Variants in EPHB1 observed in about 807,000 individuals in gnomAD.
The protein encoded by EPHB1 is ephrin type-B receptor 1.
In EPHB1, 30 loss-of-function variants were observed where a neutral mutation model predicts 94.4. The ratio of observed to expected loss-of-function variants is 0.32; its 90% CI spans 0.24 to 0.43. The LOEUF is 0.43. EPHB1 is among the 20% of genes least tolerant of loss of function. The pLI is 1.00. For synonymous variants in EPHB1, 522 were observed against 489.1 expected (o/e 1.07, Z -0.89); for missense variants, 1,055 against 1,308.3 (o/e 0.81, Z 2.99).
intron 3 of EPHB1, among the ~76,000 whole-genome samples, chr3:135,089,145 C>T (rs1174622768): frequency 6.6e-6 from 1 of 152,184 alleles, no homozygotes; most frequent in East Asian, 1.9e-4. Flanking sequence ...AGTAGTTATA[C>T]ACAATAGTTT....
At chr3:135,235,609 A>G (rs1313674658) in intron 12 of EPHB1, among the ~76,000 whole-genome samples, 1 of 152,242 alleles carries the variant, frequency 6.6e-6, no homozygotes, top group East Asian at 1.9e-4. Context: ...AAAAACAAGC[A>G]AACAAATAAA....
At position 134,855,805 on chromosome 3, in the gene EPHB1, C is replaced by G. The variant is rs990193447; in HGVS notation, c.58+60116C>G. ...AGCAGCTTCTGTTGCACTGCAATAA[C>G]TCGTGGTATTGAGCCCTCAAATGGT... On this transcript the variant is annotated intron_variant, in intron 1 of 15. Coordinates refer to ENST00000398015, the MANE Select transcript of EPHB1 (RefSeq NM_004441.5). Among the ~76,000 whole-genome samples, 6 of 152,238 alleles carry G rather than the reference C, an allele frequency of 3.9e-5. No homozygotes were observed. The East Asian group carries it at 1.2e-3, about 29-fold the overall frequency.
intron 1 of EPHB1, 35 bp downstream of exon 1, chr3:134,795,724 G>C (rs200312352): frequency 1.9e-6 from 3 of 1,606,130 alleles, no homozygotes; most frequent in East Asian, 2.3e-5. Flanking sequence ...TTGGCTGCTG[G>C]TGCCGGCCGC....
At chr3:134,873,155 C>T (rs2037538598) in intron 1 of EPHB1, among the ~76,000 whole-genome samples, 1 of 152,122 alleles carries the variant, frequency 6.6e-6, no homozygotes, top group South Asian at 2.1e-4. Flanking sequence ...AGAGATCATG[C>T]ACAAGAGAGA....
intron 1 of EPHB1, 79 bp from the exon 2 acceptor site, chr3:134,925,737 C>A: frequency 8.2e-7 from 1 of 1,213,486 alleles, no homozygotes; most frequent in Non-Finnish European, 1.1e-6. Flanking sequence ...CAAACAACTT[C>A]GTGACCTTGA....
intron 1 of EPHB1, among the ~76,000 whole-genome samples, chr3:134,883,336 G>A (rs1466899378): frequency 6.6e-6 from 1 of 152,190 alleles, no homozygotes; most frequent in Non-Finnish European, 1.5e-5. Context: ...ATAAGGAAGA[G>A]GAGCCCCTCA....
At chr3:134,836,825 A>G (rs1320960977) in intron 1 of EPHB1, among the ~76,000 whole-genome samples, 1 of 152,230 alleles carries the variant, frequency 6.6e-6, no homozygotes, top group Non-Finnish European at 1.5e-5. Context: ...CATTGACCGG[A>G]AAAGAAATAG....
chr3:135,187,928 G>A (rs1428551490), intron 10 of EPHB1, among the ~76,000 whole-genome samples: 1 of 152,128 alleles, frequency 6.6e-6, no homozygotes, highest in Admixed American at 6.5e-5. Context: ...GCCTGGCATG[G>A]TGGCTCATGC....
At chr3:135,113,926 G>C (rs72977560) in intron 4 of EPHB1, among the ~76,000 whole-genome samples, 2,779 of 152,260 alleles carry the variant, frequency 0.018, 54 homozygotes, top group African/African-American at 0.045. Context: ...AATGAGACTT[G>C]TGATCCTCAC....
chr3:134,842,640 T>A (rs112203231), intron 1 of EPHB1, among the ~76,000 whole-genome samples: 166 of 152,352 alleles, frequency 1.1e-3, no homozygotes, highest in African/African-American at 3.0e-3. Context: ...AACTGACTTT[T>A]CTAACCTTTT....
intron 1 of EPHB1, among the ~76,000 whole-genome samples, chr3:134,819,172 A>G (rs1400985917): frequency 6.6e-6 from 1 of 152,250 alleles, no homozygotes; most frequent in African/African-American, 2.4e-5. Flanking sequence ...TTCTGAGCAT[A>G]GAGAAATGGA....
intron 15 of EPHB1, among the ~76,000 whole-genome samples, chr3:135,250,539 T>C (rs1933032040): frequency 6.6e-6 from 1 of 152,170 alleles, no homozygotes; most frequent in South Asian, 2.1e-4. Flanking sequence ...TTCTGATTAG[T>C]TGTGGTAAGA....
chr3:135,140,822 C>A (rs1940797520), intron 5 of EPHB1, among the ~76,000 whole-genome samples: 1 of 152,236 alleles, frequency 6.6e-6, no homozygotes, highest in African/African-American at 2.4e-5. Flanking sequence ...ATCATTTTCA[C>A]AGTACCATCC....
chr3:134,981,505 A>G (rs1461968128), intron 3 of EPHB1, among the ~76,000 whole-genome samples: 1 of 152,238 alleles, frequency 6.6e-6, no homozygotes, highest in Non-Finnish European at 1.5e-5. Context: ...AGCTAAAATT[A>G]TGGTCTAATC....
chr3:135,039,592 C>T (rs1936765227), intron 3 of EPHB1, among the ~76,000 whole-genome samples: 1 of 152,254 alleles, frequency 6.6e-6, no homozygotes, highest in African/African-American at 2.4e-5. Flanking sequence ...GCAGCTAAGG[C>T]CCGGCGAGAA....
chr3:135,143,744 C>A (rs1433781864), intron 5 of EPHB1, among the ~76,000 whole-genome samples: 1 of 152,192 alleles, frequency 6.6e-6, no homozygotes, highest in Non-Finnish European at 1.5e-5. Flanking sequence ...TGCTTAGATG[C>A]CTGCCTGAAG....
chr3:135,014,275 G>A (rs1414594249), intron 3 of EPHB1, among the ~76,000 whole-genome samples: 1 of 152,170 alleles, frequency 6.6e-6, no homozygotes, highest in Non-Finnish European at 1.5e-5. Flanking sequence ...GGACAGAAGC[G>A]CCATCCAGAA....
intron 5 of EPHB1, among the ~76,000 whole-genome samples, chr3:135,151,058 C>G (rs149171830): frequency 3.3e-4 from 51 of 152,314 alleles, no homozygotes; most frequent in African/African-American, 1.0e-3. Context: ...CAGAATCTGC[C>G]TACTGTGCTG....
intron 12 of EPHB1, among the ~76,000 whole-genome samples, chr3:135,211,706 CAT>C (rs1486231803): frequency 1.3e-5 from 2 of 152,170 alleles, no homozygotes; most frequent in East Asian, 1.9e-4. Flanking sequence ...TGCACACACA[CAT>C]ATATATTCAT....
Sources: gnomAD v4.1 joint callset for allele counts (sites outside exome capture counted in the v4.1 genomes callset) on GRCh38, gnomAD v4.1.1 for gene constraint, MANE v1.5 for transcripts, NCBI Gene and HGNC (gene_info 2026-07-23, HGNC 2026-07-21) for gene names.